Variants in SPA17 observed in about 807,000 individuals in gnomAD.
The protein encoded by SPA17 is sperm autoantigenic protein 17.
In SPA17, 7 loss-of-function variants were observed where a neutral mutation model predicts 13.8. That is an observed-to-expected ratio of 0.51 (90% CI 0.29 to 0.95). SPA17 has a LOEUF of 0.95. Ranked by LOEUF, SPA17 falls within the 40% of genes least tolerant of loss-of-function variation. The pLI is 0.08. For missense variants in SPA17, 170 were observed against 179.3 expected, an observed-to-expected ratio of 0.95 and a Z score of 0.30; for synonymous variants, 61 against 59.0, an observed-to-expected ratio of 1.03 and a Z score of -0.16.
chr11:124,694,426 G>GA lies in SPA17; in HGVS notation c.441dup (p.Glu148ArgfsTer41). On this transcript the variant is annotated frameshift_variant, in exon 5 of 5. Transcript: ENST00000227135. LOFTEE classifies it high-confidence loss of function. Reference sequence around the variant, plus strand: ...GAAAACAAATAGTCTTCAAAATGAGGAAAAAGAGGAAAACAAGTGAGGACA... The same window carrying GA: ...GAAAACAAATAGTCTTCAAAATGAGGAAAAAAGAGGAAAACAAGTGAGGACA... 1 of 1,610,336 alleles carries GA rather than the reference G, an allele frequency of 6.2e-7. No individual in the cohort carries two copies. Among genetic ancestry groups the GA allele is most frequent in the Non-Finnish European group, 8.5e-7 (1 of 1,178,842 alleles).
chr11:124,691,758 G>T lies in SPA17; in HGVS notation c.288G>T (p.Glu96Asp). 1.2e-6 allele frequency: 2 copies of T among 1,611,166 alleles called. No homozygotes were observed. Among genetic ancestry groups the T allele is most frequent in the Non-Finnish European group, 1.7e-6 (2 of 1,178,654 alleles). Residue 96 changes from glutamate (E) to aspartate (D), a missense_variant, in exon 4 of 5, where the codon GAG becomes GAT. Glu to Asp is a conservative substitution (Grantham distance 45). Coordinates refer to ENST00000227135, the MANE Select transcript of SPA17 (RefSeq NM_017425.4). ...AAGAGTCTCAGATATCTGGGAAGGA[G>T]GAAGAGACATCAGTCACCATCTTAG... is the stretch of plus-strand genomic sequence containing the variant. ...KQEESQISGK[E>D]EETSVTILDS...
rs143539508 is a variant in SPA17 at position 124,685,991 on chromosome 11, C to A, written c.225+4532C>A. Among the ~76,000 whole-genome samples the A allele has an allele frequency of 7.2e-5, 11 of 152,220 alleles. No individual in the cohort carries two copies. In the East Asian group the frequency reaches 2.1e-3, roughly 29 times the overall value. Reference sequence around the variant, plus strand: ...TTGAACTTGGACTTTTGGGTTAATGCTGGAATGAGTTAAGACTTTGGGAGA... The same window carrying A: ...TTGAACTTGGACTTTTGGGTTAATGATGGAATGAGTTAAGACTTTGGGAGA... On this transcript the variant is annotated intron_variant, in intron 3 of 4. Coordinates refer to ENST00000227135, the MANE Select transcript of SPA17 (RefSeq NM_017425.4).
chr11:124,688,281 G>A lies in SPA17; in HGVS notation c.226-3415G>A, dbSNP rs535390993. Among the ~76,000 whole-genome samples, 78 of 152,274 alleles carry A rather than the reference G, an allele frequency of 5.1e-4. 1 individual carries two copies. The highest frequency in any genetic ancestry group is 2.4e-3 in the Admixed American group (36 of 15,292). ...TCCTGCCTTGGCCTCCCAAAGTGCC[G>A]GGATTACAGGCATGCATCACCATGA... On this transcript the variant is annotated intron_variant, in intron 3 of 4. Coordinates refer to ENST00000227135, the MANE Select transcript of SPA17 (RefSeq NM_017425.4).
chr11:124,687,095 A>G lies in SPA17; in HGVS notation c.226-4601A>G, dbSNP rs1361464029. Among the ~76,000 whole-genome samples the G allele has an allele frequency of 2.0e-5, 3 of 152,184 alleles. No individual in the cohort carries two copies. In the South Asian group the frequency reaches 6.2e-4, roughly 31 times the overall value. ...AAATAAACAAAATCAGAAATGAAAA[A>G]GAAGACGTTACAACTGATAGCACAG... is the stretch of plus-strand genomic sequence containing the variant. On this transcript the variant is annotated intron_variant, in intron 3 of 4. Transcript: ENST00000227135.
intron 4 of SPA17, 139 bp from the exon 5 acceptor site, chr11:124,694,164 A>C (rs1034345116): frequency 1.1e-5 from 12 of 1,056,680 alleles, no homozygotes; most frequent in East Asian, 7.6e-5. Context: ...CAATGTGACA[A>C]TATATGAAAT....
At position 124,691,689 on chromosome 11, in the gene SPA17, T is replaced by G; in HGVS notation, c.226-7T>G. 1.3e-6 allele frequency: 2 copies of G among 1,594,308 alleles called. No individual in the cohort carries two copies. The highest frequency in any genetic ancestry group is 1.7e-6 in the Non-Finnish European group (2 of 1,171,486). On this transcript the variant is annotated splice_polypyrimidine_tract_variant and splice_region_variant and intron_variant, in intron 3 of 4. Coordinates refer to ENST00000227135, the MANE Select transcript of SPA17 (RefSeq NM_017425.4). Reference sequence around the variant, plus strand: ...TTGCTAATTGTGGCTCTCTCCTATCTGTCCAGGAGCAAGAACCACCTGAGA... The same window carrying G: ...TTGCTAATTGTGGCTCTCTCCTATCGGTCCAGGAGCAAGAACCACCTGAGA...
chr11:124,691,923 T>C (rs923743430), intron 4 of SPA17, 141 bp downstream of exon 4: 3 of 488,816 alleles, frequency 6.1e-6, no homozygotes, highest in African/African-American at 6.0e-5. Flanking sequence ...ACATCAGTGA[T>C]AAACTAACTG....
intron 2 of SPA17, among the ~76,000 whole-genome samples, chr11:124,677,939 TAAC>T (rs1452759435): frequency 3.9e-5 from 6 of 152,218 alleles, no homozygotes; most frequent in Admixed American, 6.5e-5. Context: ...GAGCTACCAA[TAAC>T]AACCCCTCCA....
At chr11:124,682,875 G>A (rs749475944) in intron 3 of SPA17, among the ~76,000 whole-genome samples, 6 of 151,494 alleles carry the variant, frequency 4.0e-5, no homozygotes, top group Middle Eastern at 3.4e-3. Context: ...AGATATAGGC[G>A]GTGCAGTGAT....
At chr11:124,693,485 C>CATAT (rs142153211) in intron 4 of SPA17, among the ~76,000 whole-genome samples, 2,953 of 147,974 alleles carry the variant, frequency 0.02, 82 homozygotes, top group African/African-American at 0.066. Context: ...AATAAAAAGA[C>CATAT]ATATATATAT....
chr11:124,694,073 G>A (rs1203083931), intron 4 of SPA17, among the ~76,000 whole-genome samples: 1 of 152,156 alleles, frequency 6.6e-6, no homozygotes, highest in Admixed American at 6.5e-5. Context: ...AGTTGGCAAT[G>A]ATCTTTTGTT....
chr11:124,692,396 C>T (rs1943630400), intron 4 of SPA17, among the ~76,000 whole-genome samples: 1 of 151,854 alleles, frequency 6.6e-6, no homozygotes, highest in South Asian at 2.1e-4. Flanking sequence ...CTGGCTAACA[C>T]GGTGAAACCC....
At chr11:124,688,433 C>G (rs1412922549) in intron 3 of SPA17, among the ~76,000 whole-genome samples, 1 of 152,170 alleles carries the variant, frequency 6.6e-6, no homozygotes, top group Non-Finnish European at 1.5e-5. Flanking sequence ...AGTAGCATTT[C>G]TATACACTAA....
chr11:124,680,100 C>T (rs749031005), intron 2 of SPA17, among the ~76,000 whole-genome samples: 4 of 152,104 alleles, frequency 2.6e-5, no homozygotes, highest in Non-Finnish European at 4.4e-5. Flanking sequence ...GAAAAGTTTT[C>T]CTTAATGAGT....
intron 3 of SPA17, among the ~76,000 whole-genome samples, chr11:124,684,196 C>A (rs1460582414): frequency 6.6e-6 from 1 of 152,136 alleles, no homozygotes; most frequent in Non-Finnish European, 1.5e-5. Context: ...TCAATTAAAC[C>A]TCTTTTCTTA....
chr11:124,678,753 A>G (rs1014656171), intron 2 of SPA17, among the ~76,000 whole-genome samples: 1 of 151,956 alleles, frequency 6.6e-6, no homozygotes, highest in African/African-American at 2.4e-5. Context: ...GTTTTGGCAG[A>G]GACAGGGTTT....
At chr11:124,678,132 T>G (rs1405931552) in intron 2 of SPA17, among the ~76,000 whole-genome samples, 1 of 152,236 alleles carries the variant, frequency 6.6e-6, no homozygotes, top group Non-Finnish European at 1.5e-5. Context: ...TTTCAGGGCA[T>G]CATTCTTTGT....
intron 2 of SPA17, among the ~76,000 whole-genome samples, chr11:124,678,795 TGAGCTCAAGCATCCGCCAGC>T (rs559810329): frequency 1.5e-4 from 23 of 152,224 alleles, no homozygotes; most frequent in African/African-American, 4.8e-4. Flanking sequence ...CTTGAACTCC[TGAGCTCAAGCATCCGCCAGC>T]CTCCGCCTCC....
At chr11:124,678,873 A>G (rs1261289272) in intron 2 of SPA17, among the ~76,000 whole-genome samples, 1 of 152,136 alleles carries the variant, frequency 6.6e-6, no homozygotes, top group Non-Finnish European at 1.5e-5. Flanking sequence ...AACTTTGTTT[A>G]TATTTTTAAA....
Sources: gnomAD v4.1 joint callset for allele counts (sites outside exome capture counted in the v4.1 genomes callset) on GRCh38, gnomAD v4.1.1 for gene constraint, MANE v1.5 for transcripts, NCBI Gene and HGNC (gene_info 2026-07-23, HGNC 2026-07-21) for gene names.